The following RORA variants were observed in gnomAD, a reference collection of about 807,000 sequenced individuals.
The protein encoded by RORA is nuclear receptor ROR-alpha.
In RORA, 7 loss-of-function variants were observed where a neutral mutation model predicts 69.5. The ratio of observed to expected loss-of-function variants is 0.10; its 90% CI spans 0.06 to 0.19. The LOEUF (loss-of-function observed/expected upper bound fraction) is 0.19, where lower values mean the gene tolerates loss of function less well. Among genes scored for constraint, RORA ranks in the 10% least tolerant of loss-of-function variants. The probability of loss-of-function intolerance (pLI) is 1.00; values close to 1 mark genes in which losing one functional copy is unlikely to be tolerated. For synonymous variants in RORA, 261 were observed against 240.8 expected (o/e 1.08, Z -0.78); for missense variants, 457 against 663.0 (o/e 0.69, Z 3.41).
intron 1 of RORA, among the ~76,000 whole-genome samples, chr15:60,779,346 C>A (rs2072220880): frequency 6.6e-6 from 1 of 152,144 alleles, no homozygotes; most frequent in Non-Finnish European, 1.5e-5. Context: ...CCAACACAAC[C>A]ACAAGGAGTT....
intron 2 of RORA, among the ~76,000 whole-genome samples, chr15:60,640,188 T>C (rs2069917940): frequency 1.3e-5 from 2 of 152,240 alleles, no homozygotes; most frequent in African/African-American, 4.8e-5. Context: ...ATGGCACTAC[T>C]AAGTGCTCAG....
At chr15:61,125,323 T>C (rs2079134131) in intron 1 of RORA, among the ~76,000 whole-genome samples, 1 of 152,212 alleles carries the variant, frequency 6.6e-6, no homozygotes, top group African/African-American at 2.4e-5. Context: ...CCTTGTTATC[T>C]CAGGTAGAAA....
intron 1 of RORA, among the ~76,000 whole-genome samples, chr15:60,892,382 T>C (rs2073821777): frequency 6.6e-6 from 1 of 152,202 alleles, no homozygotes; most frequent in Non-Finnish European, 1.5e-5. Context: ...GGTAATTATA[T>C]AGTGAAGGAG....
In RORA at chr15:61,229,176, G is replaced by A. The variant is rs547170533; in HGVS notation, c.43C>T (p.Pro15Ser). 1.9e-6 allele frequency: 3 copies of A among 1,554,884 alleles called. No individual in the cohort carries two copies. Among genetic ancestry groups the A allele is most frequent in the Admixed American group, 1.9e-5 (1 of 52,812 alleles). The change falls in exon 1 of 11, where the codon CCA (proline) becomes TCA (serine). Residue 15 changes from proline (P) to serine (S), a missense_variant. Around this residue, in one of 3 missense-constraint regions of RORA, gnomAD observed 119 missense variants for 92.4 expected, o/e 1.29. Coordinates refer to ENST00000335670, the MANE Select transcript of RORA (RefSeq NM_134261.3). ...PAAPDPAASE[P>S]GSSGADAAAG... Reference sequence around the variant, plus strand: ...GCCGCGTCCGCGCCGCTGCTGCCTGGCTCGCTGGCGGCGGGGTCGGGGGCT... The same window carrying A: ...GCCGCGTCCGCGCCGCTGCTGCCTGACTCGCTGGCGGCGGGGTCGGGGGCT...
intron 1 of RORA, among the ~76,000 whole-genome samples, chr15:60,719,869 C>T (rs1432739551): frequency 6.6e-6 from 1 of 152,128 alleles, no homozygotes; most frequent in Non-Finnish European, 1.5e-5. Flanking sequence ...TGGAGGTTCA[C>T]AGGTAAACAT....
intron 1 of RORA, among the ~76,000 whole-genome samples, chr15:60,867,357 GC>G (rs1290099275): frequency 6.6e-6 from 1 of 152,130 alleles, no homozygotes; most frequent in Non-Finnish European, 1.5e-5. Context: ...GTGCAACTGA[GC>G]CCTTAACTGT....
intron 2 of RORA, among the ~76,000 whole-genome samples, chr15:60,563,396 G>T (rs556259990): frequency 3.3e-5 from 5 of 152,234 alleles, no homozygotes; most frequent in African/African-American, 1.2e-4. Context: ...ACAGACTTTT[G>T]CTTTAGAAGG....
chr15:61,215,032 T>G (rs113133491), intron 1 of RORA, among the ~76,000 whole-genome samples: 630 of 3,132 alleles, frequency 0.2, 27 homozygotes, highest in Non-Finnish European at 0.42. Flanking sequence ...GCCCAGCTAA[T>G]TTTTTTTTTT....
At chr15:60,820,959 C>T (rs941816837) in intron 1 of RORA, among the ~76,000 whole-genome samples, 1 of 119,382 alleles carries the variant, frequency 8.4e-6, no homozygotes, top group African/African-American at 3.3e-5. Context: ...CTCTAACCCC[C>T]ACCCCCCACC....
At chr15:60,943,460 G>C (rs1892762546) in intron 1 of RORA, among the ~76,000 whole-genome samples, 1 of 151,912 alleles carries the variant, frequency 6.6e-6, no homozygotes. Context: ...TCTTGATCAG[G>C]GTTTTGAGAG....
intron 1 of RORA, among the ~76,000 whole-genome samples, chr15:60,738,655 T>C (rs973729639): frequency 1.3e-5 from 2 of 152,246 alleles, no homozygotes; most frequent in Non-Finnish European, 2.9e-5. Context: ...TGAAAAGAAA[T>C]GAAAATTAAA....
intron 1 of RORA, among the ~76,000 whole-genome samples, chr15:61,087,516 T>A (rs1472020320): frequency 6.6e-6 from 1 of 152,218 alleles, no homozygotes; most frequent in East Asian, 1.9e-4. Context: ...TGAAAATTTA[T>A]ACATACCCAT....
rs540281604 is a variant in RORA, at chr15:60,537,680, C to T, written c.197-5829G>A. ...GATGAGTAGAGCCGAGTTATAGCTGCATCCTATGCAAACTAACGATGAACT... is the reference window on the plus strand; with the variant it reads ...GATGAGTAGAGCCGAGTTATAGCTGTATCCTATGCAAACTAACGATGAACT... On this transcript the variant is annotated intron_variant, in intron 2 of 10. Transcript: ENST00000335670. The surrounding 1 kb of genome is among the most constrained non-coding windows in gnomAD (Gnocchi z 4.9). Among the ~76,000 whole-genome samples the T allele has an allele frequency of 3.9e-5, 6 of 152,364 alleles. No individual in the cohort carries two copies. In the East Asian group the frequency reaches 1.2e-3, roughly 29 times the overall value.
intron 1 of RORA, among the ~76,000 whole-genome samples, chr15:60,987,186 G>A (rs908117006): frequency 6.6e-6 from 1 of 152,168 alleles, no homozygotes; most frequent in Non-Finnish European, 1.5e-5. Context: ...GGGTTATAAT[G>A]TCTCATTATT....
intron 1 of RORA, among the ~76,000 whole-genome samples, chr15:60,769,697 C>G (rs914218987): frequency 6.6e-6 from 1 of 152,028 alleles, no homozygotes; most frequent in African/African-American, 2.4e-5. Context: ...GGAATCACCT[C>G]GGAAAACTCA....
chr15:61,155,476 T>C (rs1038214264), intron 1 of RORA, among the ~76,000 whole-genome samples: 1 of 152,018 alleles, frequency 6.6e-6, no homozygotes, highest in Non-Finnish European at 1.5e-5. Context: ...GAAAAAACAG[T>C]GTGAGGAAAA....
intron 1 of RORA, among the ~76,000 whole-genome samples, chr15:61,060,169 C>G (rs2078162696): frequency 6.6e-6 from 1 of 152,140 alleles, no homozygotes; most frequent in South Asian, 2.1e-4. Flanking sequence ...CAGTCAAACC[C>G]AGGAAATGAA....
intron 1 of RORA, among the ~76,000 whole-genome samples, chr15:60,884,814 CAA>C (rs1451930369): frequency 6.6e-6 from 1 of 152,136 alleles, no homozygotes; most frequent in Non-Finnish European, 1.5e-5. Context: ...AGCTATAGCT[CAA>C]GATGAAAACA....
At chr15:61,196,214 A>G (rs1483226728) in intron 1 of RORA, among the ~76,000 whole-genome samples, 2 of 152,256 alleles carry the variant, frequency 1.3e-5, no homozygotes, top group South Asian at 4.1e-4. Flanking sequence ...GTAACTACTC[A>G]ATAAATATTT....
Sources: allele counts gnomAD v4.1 joint callset (sites outside exome capture counted in the v4.1 genomes callset), GRCh38; gene constraint gnomAD v4.1.1; regional missense constraint gnomAD v4.1.1; non-coding constraint Gnocchi (gnomAD v3.1); transcripts MANE v1.5; gene names NCBI Gene and HGNC (gene_info 2026-07-23, HGNC 2026-07-21).